LRP1B: variants seen among roughly 807,000 people sequenced by gnomAD.
The protein encoded by LRP1B is LDL receptor related protein 1B, also known as low-density lipoprotein receptor-related protein 1B.
In LRP1B, 217 loss-of-function variants were observed where a neutral mutation model predicts 556.6. The ratio of observed to expected loss-of-function variants is 0.39; its 90% CI spans 0.35 to 0.44. The LOEUF (loss-of-function observed/expected upper bound fraction) is 0.44, where lower values mean the gene tolerates loss of function less well. Among genes scored for constraint, LRP1B ranks in the 20% least tolerant of loss-of-function variants. LRP1B has a pLI of 1.00. For synonymous variants in LRP1B, 2,047 were observed against 1,865.8 expected (o/e 1.10, Z -2.50); for missense variants, 5,053 against 5,620.8 (o/e 0.90, Z 3.23).
intron 3 of LRP1B, among the ~76,000 whole-genome samples, chr2:141,398,334 C>CA (rs1690321351): frequency 6.6e-6 from 1 of 151,892 alleles, no homozygotes; most frequent in Non-Finnish European, 1.5e-5. Flanking sequence ...AAAAAAAGAC[C>CA]AAAAAATATT....
At chr2:140,477,586 A>G (rs1688026478) in intron 59 of LRP1B, among the ~76,000 whole-genome samples, 1 of 152,162 alleles carries the variant, frequency 6.6e-6, no homozygotes, top group South Asian at 2.1e-4. Context: ...ATTGAAAATT[A>G]TTAGATGTCA....
At chr2:142,009,284 A>G (rs1702884233) in intron 1 of LRP1B, among the ~76,000 whole-genome samples, 2 of 152,140 alleles carry the variant, frequency 1.3e-5, no homozygotes, top group African/African-American at 4.8e-5. Flanking sequence ...GTCAAACTGG[A>G]GAGTTTGAGC....
At chr2:141,615,417 G>A (rs1304180946) in intron 2 of LRP1B, among the ~76,000 whole-genome samples, 1 of 152,136 alleles carries the variant, frequency 6.6e-6, no homozygotes, top group Non-Finnish European at 1.5e-5. Context: ...TCTGTTCACT[G>A]ACATTTCCCA....
At chr2:140,710,242 A>T (rs769796126) in intron 37 of LRP1B, among the ~76,000 whole-genome samples, 23 of 152,166 alleles carry the variant, frequency 1.5e-4, no homozygotes, top group Non-Finnish European at 2.9e-4. Context: ...TCTGACAAAC[A>T]TCTGGAGCAA....
intron 3 of LRP1B, among the ~76,000 whole-genome samples, chr2:141,361,199 G>A (rs557042987): frequency 6.6e-6 from 1 of 152,218 alleles, no homozygotes; most frequent in African/African-American, 2.4e-5. Context: ...GACAACTTTA[G>A]CTACAGTGAG....
intron 7 of LRP1B, among the ~76,000 whole-genome samples, chr2:141,102,904 C>T (rs1574075513): frequency 2.0e-5 from 3 of 152,084 alleles, no homozygotes; most frequent in East Asian, 1.9e-4. Context: ...ATGTTTACTT[C>T]TTAAACATCA....
chr2:141,129,931 GA>G (rs1368054174), intron 7 of LRP1B, among the ~76,000 whole-genome samples: 1 of 149,928 alleles, frequency 6.7e-6, no homozygotes, highest in Non-Finnish European at 1.5e-5. Context: ...ACAGTTTTTG[GA>G]AAAGAAGACA....
chr2:140,843,326 C>A (rs1034593548), intron 29 of LRP1B, among the ~76,000 whole-genome samples: 12 of 151,962 alleles, frequency 7.9e-5, no homozygotes, highest in African/African-American at 2.2e-4. Context: ...ACAATAGTAT[C>A]CAGCATTTCC....
intron 86 of LRP1B, among the ~76,000 whole-genome samples, chr2:140,256,756 C>T (rs1681713560): frequency 1.3e-5 from 2 of 151,608 alleles, no homozygotes; most frequent in South Asian, 2.1e-4. Flanking sequence ...TGTGAGCCAC[C>T]GCGCCCAACC....
intron 3 of LRP1B, among the ~76,000 whole-genome samples, chr2:141,418,728 G>C (rs963472130): frequency 4.0e-5 from 6 of 151,716 alleles, no homozygotes; most frequent in Non-Finnish European, 7.4e-5. Flanking sequence ...ATCCACTGGG[G>C]TTCCATATGA....
At chr2:141,441,905 T>C (rs79182725) in intron 3 of LRP1B, among the ~76,000 whole-genome samples, 7,838 of 152,314 alleles carry the variant, frequency 0.051, 286 homozygotes, top group South Asian at 0.14. Flanking sequence ...GGTTCTCAAC[T>C]TGTTTCTATG....
intron 2 of LRP1B, among the ~76,000 whole-genome samples, chr2:141,784,300 C>G (rs139744555): frequency 2.0e-4 from 30 of 151,904 alleles, no homozygotes; most frequent in African/African-American, 7.0e-4. Context: ...GTAATCAGGT[C>G]AAACCTATAT....
intron 86 of LRP1B, among the ~76,000 whole-genome samples, chr2:140,252,839 AAT>A (rs1430585044): frequency 1.3e-5 from 2 of 152,088 alleles, no homozygotes; most frequent in Non-Finnish European, 2.9e-5. Context: ...AGATGTATCT[AAT>A]ATATCTTTAA....
At chr2:141,917,143 C>T (rs187978799) in intron 1 of LRP1B, among the ~76,000 whole-genome samples, 1 of 151,934 alleles carries the variant, frequency 6.6e-6, no homozygotes, top group East Asian at 1.9e-4. Flanking sequence ...GAAATGTACT[C>T]GAAAGAGATA....
chr2:140,246,960 A>G (rs2129483), intron 87 of LRP1B, 126 bp downstream of exon 87: 594,853 of 632,904 alleles, frequency 0.94, 280,688 homozygotes, highest in Non-Finnish European at 0.96. Context: ...AAAACACCTC[A>G]ATTGCAGTGG....
intron 44 of LRP1B, 127 bp downstream of exon 44, chr2:140,541,652 T>C (rs753171822): frequency 4.5e-5 from 34 of 749,186 alleles, no homozygotes; most frequent in Admixed American, 9.0e-5. Context: ...TCCACAGTCA[T>C]AGTAACAAAA....
At chr2:141,618,465 G>A (rs984357819) in intron 2 of LRP1B, among the ~76,000 whole-genome samples, 3 of 152,008 alleles carry the variant, frequency 2.0e-5, no homozygotes, top group Non-Finnish European at 4.4e-5. Context: ...AACATACAGG[G>A]AAACATAGTT....
At chr2:141,822,124 C>CAGAGAGAGAGAGAGAG (rs1390471936) in intron 1 of LRP1B, among the ~76,000 whole-genome samples, 54 of 111,848 alleles carry the variant, frequency 4.8e-4, no homozygotes, top group African/African-American at 1.5e-3. Context: ...CACACACACA[C>CAGAGAGAGAGAGAGAG]ACACACAGAG....
Position 140,402,184 on chromosome 2 carries a change from G to A in LRP1B, c.10415-16175C>T, listed in dbSNP as rs563208189. On this transcript the variant is annotated intron_variant, in intron 66 of 90. Coordinates refer to ENST00000389484, the MANE Select transcript of LRP1B (RefSeq NM_018557.3). ...GGGTAGGTGCGGAGAACCACATCAA[G>A]GGAACACCCCGTGGGACAAATGAAC... is the stretch of plus-strand genomic sequence containing the variant. Among the ~76,000 whole-genome samples, 11 of 152,304 alleles carry A rather than the reference G, an allele frequency of 7.2e-5. No individual in the cohort carries two copies. In the South Asian group the frequency reaches 2.3e-3, roughly 32 times the overall value.
Sources: gnomAD v4.1 joint callset for allele counts (sites outside exome capture counted in the v4.1 genomes callset) on GRCh38, gnomAD v4.1.1 for gene constraint, MANE v1.5 for transcripts, NCBI Gene and HGNC (gene_info 2026-07-23, HGNC 2026-07-21) for gene names.